PEAK1: variants seen among roughly 807,000 people sequenced by gnomAD.
PEAK1 encodes inactive tyrosine-protein kinase PEAK1.
In PEAK1, 54 loss-of-function variants were observed where a neutral mutation model predicts 124.7. The ratio of observed to expected loss-of-function variants is 0.43; its 90% CI spans 0.35 to 0.54. PEAK1 has a LOEUF of 0.54. Among genes scored for constraint, PEAK1 ranks in the 20% least tolerant of loss-of-function variants. The pLI, the probability that PEAK1 is intolerant of heterozygous loss-of-function variation, is 0.01. For synonymous variants in PEAK1, 719 were observed against 760.0 expected (o/e 0.95, Z 0.89); for missense variants, 2,046 against 2,134.5 (o/e 0.96, Z 0.82).
At chr15:77,231,522 A>C (rs1211628793) in intron 6 of PEAK1, among the ~76,000 whole-genome samples, 1 of 152,214 alleles carries the variant, frequency 6.6e-6, no homozygotes, top group Non-Finnish European at 1.5e-5. Context: ...GGTATAACTC[A>C]GGTAATTAAA....
At chr15:77,105,347 T>TGC (rs1360221833), downstream of PEAK1, 3 of 136,130 alleles carry the variant, frequency 2.2e-5, no homozygotes, top group African/African-American at 9.5e-5. Context: ...TGTGTGTGTG[T>TGC]GTGTGTGTGT....
chr15:77,325,300 T>C (rs1394894237), intron 2 of PEAK1, among the ~76,000 whole-genome samples: 1 of 151,884 alleles, frequency 6.6e-6, no homozygotes, highest in Non-Finnish European at 1.5e-5. Context: ...TTCCCAGCTA[T>C]TCAGGAGGCT....
chr15:77,222,321 GT>G (rs942475216), intron 6 of PEAK1, among the ~76,000 whole-genome samples: 1 of 151,918 alleles, frequency 6.6e-6, no homozygotes, highest in African/African-American at 2.4e-5. Context: ...AAATTAAACA[GT>G]TTTTAATGCT....
chr15:77,314,659 C>T (rs964641555), intron 2 of PEAK1, among the ~76,000 whole-genome samples: 3 of 152,082 alleles, frequency 2.0e-5, no homozygotes, highest in Admixed American at 6.6e-5. Context: ...TGAGCCACTG[C>T]GTCCTGCCTA....
At chr15:77,145,432 G>C (rs2054106742) in intron 8 of PEAK1, among the ~76,000 whole-genome samples, 1 of 149,858 alleles carries the variant, frequency 6.7e-6, no homozygotes, top group Admixed American at 6.7e-5. Flanking sequence ...TTGGGCTACA[G>C]AGTGAGATTC....
At chr15:77,343,585 C>G (rs1208927471) in intron 2 of PEAK1, among the ~76,000 whole-genome samples, 2 of 147,958 alleles carry the variant, frequency 1.4e-5, no homozygotes, top group Non-Finnish European at 3.0e-5. Context: ...CCCCTGGGTT[C>G]AATGATTCTC....
intron 6 of PEAK1, among the ~76,000 whole-genome samples, chr15:77,233,618 T>G (rs2059995972): frequency 6.6e-6 from 1 of 152,228 alleles, no homozygotes; most frequent in Non-Finnish European, 1.5e-5. Context: ...TCCAATCCTG[T>G]GTATATCATC....
At chr15:77,258,693 T>C (rs1235009598) in intron 5 of PEAK1, among the ~76,000 whole-genome samples, 2 of 152,172 alleles carry the variant, frequency 1.3e-5, no homozygotes, top group Admixed American at 1.3e-4. Context: ...TGACTTCCTC[T>C]TTTCCTAATT....
chr15:77,355,272 T>C (rs1323447037), intron 2 of PEAK1, among the ~76,000 whole-genome samples: 1 of 152,170 alleles, frequency 6.6e-6, no homozygotes, highest in Non-Finnish European at 1.5e-5. Flanking sequence ...AAATACAATA[T>C]GATCTCCTGG....
At chr15:77,341,000 G>C (rs1190375920) in intron 2 of PEAK1, among the ~76,000 whole-genome samples, 2 of 151,302 alleles carry the variant, frequency 1.3e-5, no homozygotes, top group East Asian at 3.9e-4. Context: ...CACCAGGCTG[G>C]ACTGTGGTGG....
At position 77,180,322 on chromosome 15, in the gene PEAK1, C is replaced by A; in HGVS notation, c.1605G>T (p.Trp535Cys). 6.2e-7 allele frequency: 1 copy of A among 1,613,922 alleles called. No homozygotes were observed. Among genetic ancestry groups the A allele is most frequent in the East Asian group, 2.2e-5 (1 of 44,884 alleles). The stretch of plus-strand genomic sequence containing the variant: ...TTTGTCGTGGACTGGTGCTAGAAGT[C>A]CATACTTCTTGGTATCGAATTGCAC... Reference protein sequence around the residue: ...KSSAIRYQEVWTSSTSPRQKI... With the variant: ...KSSAIRYQEVCTSSTSPRQKI... Residue 535 changes from tryptophan (W) to cysteine (C), a missense_variant, in exon 7 of 10, where the codon TGG (tryptophan) becomes TGT (cysteine). By Grantham distance (215) the Trp-to-Cys change is radical. Transcript: ENST00000682557.
At chr15:77,139,780 T>C (rs560032323) in intron 8 of PEAK1, among the ~76,000 whole-genome samples, 43 of 152,148 alleles carry the variant, frequency 2.8e-4, no homozygotes, top group African/African-American at 9.9e-4. Flanking sequence ...CAATATTAAA[T>C]ATAAACAAAC....
Position 77,313,738 on chromosome 15 carries a change from A to ATATATT in PEAK1, c.-602-27235_-602-27234insAATATA, listed in dbSNP as rs1555478198. 4.7e-3 allele frequency among the ~76,000 whole-genome samples: 679 copies of ATATATT among 143,656 alleles called. 15 individuals carry two copies. The highest frequency in any genetic ancestry group is 0.017 in the African/African-American group (636 of 38,106). 94.2% of individuals were successfully genotyped at this position (143,656 alleles called of 152,430 possible). A position where few individuals can be genotyped will look rare whatever the true frequency, so the allele number is the denominator to read the frequency against. On this transcript the variant is annotated intron_variant, in intron 2 of 9. Transcript: ENST00000682557. The stretch of plus-strand genomic sequence containing the variant: ...TGTGTGTGTGTGTGTATATATATAT[A>ATATATT]TATTTATTTATTTATTTATTTTTAG...
chr15:77,407,269 C>T (rs1370441682), intron 1 of PEAK1, among the ~76,000 whole-genome samples: 5 of 151,888 alleles, frequency 3.3e-5, no homozygotes, highest in Non-Finnish European at 7.4e-5. Context: ...GATAAATAGG[C>T]GGAACTTAAA....
intron 2 of PEAK1, among the ~76,000 whole-genome samples, chr15:77,318,299 T>C (rs2064997882): frequency 6.6e-6 from 1 of 152,224 alleles, no homozygotes; most frequent in Non-Finnish European, 1.5e-5. Context: ...TGGGGGTAAC[T>C]GGTGAACAGT....
intron 6 of PEAK1, chr15:77,205,060 C>T: frequency 4.8e-6 from 1 of 208,740 alleles, no homozygotes; most frequent in South Asian, 7.1e-5. Context: ...GCATGTCCAG[C>T]CTTTGATGAA....
chr15:77,151,430 A>G (rs951535151), intron 8 of PEAK1, among the ~76,000 whole-genome samples: 17 of 152,292 alleles, frequency 1.1e-4, no homozygotes, highest in Admixed American at 2.6e-4. Flanking sequence ...AGATGAATAG[A>G]TTGCAAAAAT....
At chr15:77,285,522 G>C (rs751660283) in intron 3 of PEAK1, among the ~76,000 whole-genome samples, 1 of 152,146 alleles carries the variant, frequency 6.6e-6, no homozygotes, top group Non-Finnish European at 1.5e-5. Flanking sequence ...TGACATAATG[G>C]AAGGCAAATA....
At chr15:77,177,917 G>A (rs2056983789) in intron 7 of PEAK1, 1 of 152,132 alleles carries the variant, frequency 6.6e-6, no homozygotes, top group Admixed American at 6.5e-5. Flanking sequence ...TTATAAGGAG[G>A]ATACATGCTT....
Sources: gnomAD v4.1 joint callset for allele counts (sites outside exome capture counted in the v4.1 genomes callset) on GRCh38, gnomAD v4.1.1 for gene constraint, MANE v1.5 for transcripts, NCBI Gene and HGNC (gene_info 2026-07-23, HGNC 2026-07-21) for gene names.